MPP7: variants seen among roughly 807,000 people sequenced by gnomAD.
MPP7 encodes MAGUK p55 subfamily member 7.
In MPP7, 60 loss-of-function variants were observed where a neutral mutation model predicts 76.5. The observed-to-expected ratio is 0.78, with a 90% confidence interval of 0.64 to 0.97. The LOEUF (loss-of-function observed/expected upper bound fraction) is 0.97, where lower values mean the gene tolerates loss of function less well. Among genes scored for constraint, MPP7 ranks in the 50% least tolerant of loss-of-function variants. The probability of loss-of-function intolerance (pLI) is 0.00; values close to 1 mark genes in which losing one functional copy is unlikely to be tolerated. For synonymous variants in MPP7, 237 were observed against 244.5 expected (o/e 0.97, Z 0.29); for missense variants, 641 against 694.0 (o/e 0.92, Z 0.86).
At chr10:28,083,057 C>T (rs1015084745) in intron 12 of MPP7, among the ~76,000 whole-genome samples, 1 of 152,104 alleles carries the variant, frequency 6.6e-6, no homozygotes, top group South Asian at 2.1e-4. Context: ...TTGAATTGTT[C>T]CCGTGTCATG....
At position 28,089,761 on chromosome 10, in the gene MPP7, G is replaced by C; in HGVS notation, c.1033C>G (p.Gln345Glu). The change falls in exon 12 of 17, where the codon CAG becomes GAG. Residue 345 changes from glutamine (Q) to glutamate (E), a missense_variant. By Grantham distance (29) the Gln-to-Glu change is conservative. Coordinates refer to ENST00000683449, the MANE Select transcript of MPP7 (RefSeq NM_001318170.2). Reference protein sequence around the residue: ...KSMYECKKSDQYDTADVPTYE... With the variant: ...KSMYECKKSDEYDTADVPTYE... ...GTGGGTACGTCAGCTGTGTCGTACT[G>C]ATCACTCTTCTTGCATTCATACATG... 6.2e-7 allele frequency: 1 copy of C among 1,610,660 alleles called. No homozygotes were observed. The highest frequency in any genetic ancestry group is 8.5e-7 in the Non-Finnish European group (1 of 1,177,074).
chr10:28,320,172 GT>G (rs931872974), intron 2 of MPP7, among the ~76,000 whole-genome samples: 18 of 152,160 alleles, frequency 1.2e-4, no homozygotes, highest in African/African-American at 3.9e-4. Flanking sequence ...AAGGAAACTA[GT>G]TTAAGGAGAG....
At chr10:28,164,171 T>G (rs2133835187) in intron 3 of MPP7, among the ~76,000 whole-genome samples, 1 of 151,866 alleles carries the variant, frequency 6.6e-6, no homozygotes, top group African/African-American at 2.4e-5. Context: ...TGAAATGAAC[T>G]GAAGAGAAAG....
chr10:28,293,405 T>C (rs553569992), intron 1 of MPP7, among the ~76,000 whole-genome samples: 2 of 152,320 alleles, frequency 1.3e-5, no homozygotes, highest in Admixed American at 6.5e-5. Context: ...GAAAAAATTA[T>C]AAGGTCAGAA....
intron 1 of MPP7, among the ~76,000 whole-genome samples, chr10:28,262,622 T>C (rs1031148893): frequency 2.6e-5 from 4 of 152,156 alleles, no homozygotes; most frequent in African/African-American, 9.7e-5. Context: ...ATCCTTTCTT[T>C]CCTAAGAAAC....
At chr10:28,317,009 A>G (rs1285865226) in intron 2 of MPP7, among the ~76,000 whole-genome samples, 1 of 152,078 alleles carries the variant, frequency 6.6e-6, no homozygotes, top group African/African-American at 2.4e-5. Flanking sequence ...GTAAGTGATC[A>G]TTTTCATAAA....
chr10:28,171,471 G>A (rs1362276680), intron 3 of MPP7, among the ~76,000 whole-genome samples: 1 of 152,072 alleles, frequency 6.6e-6, no homozygotes, highest in Non-Finnish European at 1.5e-5. Flanking sequence ...AATATGGGAG[G>A]GAGGCCATAC....
At chr10:28,199,618 T>G (rs931803052) in intron 3 of MPP7, among the ~76,000 whole-genome samples, 14 of 103,986 alleles carry the variant, frequency 1.3e-4, no homozygotes, top group Admixed American at 3.1e-4. Flanking sequence ...GCCCCCAAAC[T>G]TTTTTTTTAA....
intron 2 of MPP7, among the ~76,000 whole-genome samples, chr10:28,209,820 G>A (rs1405205166): frequency 6.6e-6 from 1 of 152,194 alleles, no homozygotes; most frequent in African/African-American, 2.4e-5. Flanking sequence ...GTCCAGATAG[G>A]TGGTAAGACA....
At chr10:28,099,866 T>C (rs1399084443) in intron 11 of MPP7, among the ~76,000 whole-genome samples, 1 of 152,046 alleles carries the variant, frequency 6.6e-6, no homozygotes, top group Non-Finnish European at 1.5e-5. Flanking sequence ...TACATTTGTT[T>C]GATACAAACA....
chr10:28,299,653 A>C (rs1257351804), intron 1 of MPP7, among the ~76,000 whole-genome samples: 1 of 152,212 alleles, frequency 6.6e-6, no homozygotes, highest in Non-Finnish European at 1.5e-5. Context: ...TCAGTTTGTA[A>C]AAAACACAGT....
At chr10:28,194,944 G>A (rs1333792496) in intron 3 of MPP7, among the ~76,000 whole-genome samples, 1 of 152,160 alleles carries the variant, frequency 6.6e-6, no homozygotes, top group Non-Finnish European at 1.5e-5. Flanking sequence ...TAAATAATAA[G>A]AGAAACTGGG....
chr10:28,167,249 T>G (rs538059726), intron 3 of MPP7, among the ~76,000 whole-genome samples: 3 of 151,624 alleles, frequency 2.0e-5, no homozygotes, highest in Non-Finnish European at 2.9e-5. Flanking sequence ...AGGTGGAGGT[T>G]GCAGTGAGCC....
intron 12 of MPP7, 97 bp from the exon 13 acceptor site, chr10:28,069,949 A>T: frequency 1.2e-6 from 1 of 801,662 alleles, no homozygotes; most frequent in Admixed American, 2.1e-5. Context: ...GAAAACATGG[A>T]TCCAGCTTTG....
rs1834342029 is a variant in MPP7 at position 28,318,760 on chromosome 10, A to G, written c.-132+11169T>C. Among the ~76,000 whole-genome samples, 10 of 152,322 alleles carry G rather than the reference A, an allele frequency of 6.6e-5. No homozygotes were observed. In the South Asian group the frequency reaches 2.1e-3, roughly 32 times the overall value. ...CTTAGATACATAGCCCTGCCCTTCTAGTTGTCGGATGATGGAAAGGTTTTT... is the reference window on the plus strand; with the variant it reads ...CTTAGATACATAGCCCTGCCCTTCTGGTTGTCGGATGATGGAAAGGTTTTT... On this transcript the variant is annotated intron_variant, in intron 2 of 11. Transcript: ENST00000441595.
At chr10:28,266,542 C>T (rs1840155360) in intron 1 of MPP7, among the ~76,000 whole-genome samples, 1 of 151,966 alleles carries the variant, frequency 6.6e-6, no homozygotes, top group South Asian at 2.1e-4. Context: ...TGTACTCCAG[C>T]CTGGGTGACA....
At chr10:28,318,410 G>C (rs764056890) in intron 2 of MPP7, among the ~76,000 whole-genome samples, 3 of 152,166 alleles carry the variant, frequency 2.0e-5, no homozygotes, top group African/African-American at 7.2e-5. Flanking sequence ...TAGGGGTCAG[G>C]CATGGTGGCT....
chr10:28,259,506 G>A (rs971329423), intron 1 of MPP7, among the ~76,000 whole-genome samples: 1 of 152,018 alleles, frequency 6.6e-6, no homozygotes, highest in Non-Finnish European at 1.5e-5. Flanking sequence ...CTTGAGCCCA[G>A]GAGGTGGGAC....
chr10:28,119,581 A>T, intron 11 of MPP7, 70 bp downstream of exon 11: 2 of 1,288,766 alleles, frequency 1.6e-6, no homozygotes, highest in Non-Finnish European at 2.3e-6. Flanking sequence ...TTCTGCCATG[A>T]GCACCTGCTT....
Sources: allele counts gnomAD v4.1 joint callset (sites outside exome capture counted in the v4.1 genomes callset), GRCh38; gene constraint gnomAD v4.1.1; transcripts MANE v1.5; gene names NCBI Gene and HGNC (gene_info 2026-07-23, HGNC 2026-07-21).